Variants in GLI3 observed in about 807,000 individuals in gnomAD.
GLI3 encodes the protein transcription activator GLI3.
GLI3 carries 20 observed loss-of-function variants against 100.8 expected under a neutral mutation model. The observed-to-expected ratio is 0.20, with a 90% CI of 0.14 to 0.29. The LOEUF is 0.29. Ranked by LOEUF, GLI3 falls within the 10% of genes least tolerant of loss-of-function variation. The pLI is 1.00. For synonymous variants in GLI3, 938 were observed against 860.5 expected (o/e 1.09, Z -1.58); for missense variants, 2,040 against 2,128.5 (o/e 0.96, Z 0.82).
chr7:42,042,870 C>A (rs566638615), intron 6 of GLI3, among the ~76,000 whole-genome samples: 1 of 152,206 alleles, frequency 6.6e-6, no homozygotes, highest in African/African-American at 2.4e-5. Context: ...CTAGAATGTT[C>A]CTTATAGGGA....
intron 9 of GLI3, among the ~76,000 whole-genome samples, chr7:42,024,117 G>A (rs1789029831): frequency 6.6e-6 from 1 of 152,190 alleles, no homozygotes; most frequent in Admixed American, 6.5e-5. Flanking sequence ...TTTCGCTGCT[G>A]TTGGAGACTG....
intron 1 of GLI3, among the ~76,000 whole-genome samples, chr7:42,252,764 C>G (rs1254199595): frequency 1.3e-5 from 2 of 152,124 alleles, no homozygotes; most frequent in East Asian, 3.9e-4. Context: ...GAGCTTGCTT[C>G]CACAAACATA....
intron 2 of GLI3, among the ~76,000 whole-genome samples, chr7:42,191,519 G>C (rs1020498655): frequency 6.6e-6 from 1 of 152,026 alleles, no homozygotes; most frequent in Non-Finnish European, 1.5e-5. Flanking sequence ...GGGCATGTTG[G>C]TGCATGCCTG....
chr7:42,039,207 A>C (rs1784080081), intron 7 of GLI3, among the ~76,000 whole-genome samples: 1 of 152,220 alleles, frequency 6.6e-6, no homozygotes, highest in South Asian at 2.1e-4. Context: ...TCAAACAATA[A>C]ATGATCAGGT....
chr7:42,227,936 T>C (rs1261495534), intron 1 of GLI3, among the ~76,000 whole-genome samples: 1 of 152,206 alleles, frequency 6.6e-6, no homozygotes. Context: ...TGGCCAATTT[T>C]GTTTGAAAGC....
At chr7:42,170,968 C>T (rs1383135505) in intron 2 of GLI3, among the ~76,000 whole-genome samples, 2 of 152,154 alleles carry the variant, frequency 1.3e-5, no homozygotes, top group Non-Finnish European at 2.9e-5. Context: ...ATTGACTCAG[C>T]ACACAGTTAT....
chr7:42,236,289 T>A (rs1387156902), intron 1 of GLI3, among the ~76,000 whole-genome samples: 1 of 152,088 alleles, frequency 6.6e-6, no homozygotes, highest in East Asian at 1.9e-4. Context: ...CTTAAATGAT[T>A]ATTGCATGGA....
At chr7:42,057,902 A>C (rs1412423168) in intron 4 of GLI3, among the ~76,000 whole-genome samples, 3 of 152,126 alleles carry the variant, frequency 2.0e-5, no homozygotes, top group Non-Finnish European at 2.9e-5. Context: ...GGGTCAGCGG[A>C]GGGGAATAAA....
intron 3 of GLI3, among the ~76,000 whole-genome samples, chr7:42,104,234 G>T (rs1785527314): frequency 6.6e-6 from 1 of 152,190 alleles, no homozygotes; most frequent in African/African-American, 2.4e-5. Flanking sequence ...CTAAATTAAA[G>T]ATGTTGTCAG....
intron 10 of GLI3, among the ~76,000 whole-genome samples, chr7:42,018,824 G>A (rs898675242): frequency 2.6e-5 from 4 of 152,154 alleles, no homozygotes; most frequent in African/African-American, 9.7e-5. Context: ...GCTTCACGGA[G>A]ACAAATGGAG....
intron 2 of GLI3, among the ~76,000 whole-genome samples, chr7:42,197,576 A>G (rs1480933502): frequency 6.6e-6 from 1 of 152,234 alleles, no homozygotes; most frequent in Non-Finnish European, 1.5e-5. Context: ...CTTGAAAACC[A>G]AATGAAATGT....
chr7:41,980,497 T>C (rs141598016), intron 10 of GLI3, among the ~76,000 whole-genome samples: 1 of 152,156 alleles, frequency 6.6e-6, no homozygotes, highest in Non-Finnish European at 1.5e-5. Context: ...GAAATGATCA[T>C]ACAAAAACAC....
chr7:42,153,663 A>T (rs1786931856), intron 2 of GLI3, among the ~76,000 whole-genome samples: 1 of 152,180 alleles, frequency 6.6e-6, no homozygotes, highest in African/African-American at 2.4e-5. Context: ...CTATTTCCAT[A>T]TTTAAGGTCT....
intron 7 of GLI3, among the ~76,000 whole-genome samples, chr7:42,036,938 T>TC (rs1789457009): frequency 6.6e-6 from 1 of 152,114 alleles, no homozygotes; most frequent in South Asian, 2.1e-4. Flanking sequence ...GTTCAGGAGT[T>TC]CGAGACCAGG....
At chr7:42,207,035 A>G (rs895575129) in intron 2 of GLI3, among the ~76,000 whole-genome samples, 1 of 152,222 alleles carries the variant, frequency 6.6e-6, no homozygotes, top group African/African-American at 2.4e-5. Flanking sequence ...GCTACAGTGA[A>G]AAATACAGAA....
chr7:42,201,963 T>C (rs1788048460), intron 2 of GLI3, among the ~76,000 whole-genome samples: 1 of 150,396 alleles, frequency 6.6e-6, no homozygotes, highest in Non-Finnish European at 1.5e-5. Flanking sequence ...GCGCCTGTAG[T>C]CCCAGCTACT....
At chr7:42,086,153 C>A (rs893172377) in intron 3 of GLI3, among the ~76,000 whole-genome samples, 1 of 152,178 alleles carries the variant, frequency 6.6e-6, no homozygotes, top group Admixed American at 6.5e-5. Flanking sequence ...TCACTGAATA[C>A]TTTAATGCAG....
chr7:42,130,747 G>A (rs1014730162), intron 3 of GLI3, among the ~76,000 whole-genome samples: 18 of 152,128 alleles, frequency 1.2e-4, no homozygotes, highest in Non-Finnish European at 1.0e-4. Context: ...TAGAGTTAAC[G>A]AATGAATCTT....
At chr7:42,066,059 T>C (rs1204882122) in intron 4 of GLI3, among the ~76,000 whole-genome samples, 2 of 152,126 alleles carry the variant, frequency 1.3e-5, no homozygotes, top group Admixed American at 1.3e-4. Flanking sequence ...ACTGGAAGAA[T>C]TAGGAGACTT....
Sources: gnomAD v4.1 joint callset for allele counts (sites outside exome capture counted in the v4.1 genomes callset) on GRCh38, gnomAD v4.1.1 for gene constraint, MANE v1.5 for transcripts, NCBI Gene and HGNC (gene_info 2026-07-23, HGNC 2026-07-21) for gene names.